The following CYP2J2 variants were observed in gnomAD, a reference collection of about 807,000 sequenced individuals.
CYP2J2 encodes cytochrome P450 2J2.
A neutral mutation model predicts 48.8 loss-of-function variants in CYP2J2; 41 were observed. The ratio of observed to expected loss-of-function variants is 0.84; its 90% CI spans 0.66 to 1.09. The LOEUF is 1.09. Ranked by LOEUF, CYP2J2 falls within the 50% of genes least tolerant of loss-of-function variation. The pLI, the probability that CYP2J2 is intolerant of heterozygous loss-of-function variation, is 0.00. For missense variants in CYP2J2, 644 were observed against 617.3 expected (o/e 1.04, Z -0.46); for synonymous variants, 221 against 227.1 (o/e 0.97, Z 0.24).
the CYP2J2 span, among the ~76,000 whole-genome samples, chr1:59,959,554 A>G: frequency 2.0e-5 from 3 of 152,016 alleles, no homozygotes; most frequent in East Asian, 3.9e-4. Context: ...TGTGAGAGAT[A>G]TATATATATG....
intron 7 of CYP2J2, chr1:59,904,405 ATGT>A (rs1459684158): frequency 6.5e-6 from 1 of 153,640 alleles, no homozygotes; most frequent in Non-Finnish European, 1.4e-5. Flanking sequence ...CATTAATATG[ATGT>A]TGTCCCAGGT....
rs184803223 is a variant in CYP2J2, at chr1:59,917,091, C to A, written c.211-991G>T. ...ATAGTTCAATCGTTTTCGGCTCTTG[C>A]GGAAGTTGCTTTATTTTTTGAGCCT... On this transcript the variant is annotated intron_variant, in intron 1 of 8. Coordinates refer to ENST00000371204, the MANE Select transcript of CYP2J2 (RefSeq NM_000775.4). Among the ~76,000 whole-genome samples, 280 of 152,176 alleles carry A rather than the reference C, an allele frequency of 1.8e-3. 1 individual carries two copies. The highest frequency in any genetic ancestry group is 3.1e-3 in the Non-Finnish European group (208 of 68,010).
chr1:59,942,113 A>G, the CYP2J2 span, among the ~76,000 whole-genome samples: 2 of 152,188 alleles, frequency 1.3e-5, no homozygotes, highest in African/African-American at 4.8e-5. Flanking sequence ...TGTGAAACTT[A>G]TGTTCTGGCT....
chr1:59,928,058 A>G (rs1413614222), upstream of CYP2J2, among the ~76,000 whole-genome samples: 1 of 152,172 alleles, frequency 6.6e-6, no homozygotes, highest in African/African-American at 2.4e-5. Context: ...TGTGTTTGAG[A>G]TTTATCCTGA....
the CYP2J2 span, among the ~76,000 whole-genome samples, chr1:59,948,590 C>T: frequency 6.6e-6 from 1 of 152,002 alleles, no homozygotes; most frequent in East Asian, 1.9e-4. Flanking sequence ...TGGCAAAAAC[C>T]ACAATTACTT....
At chr1:59,952,582 T>G in the CYP2J2 span, among the ~76,000 whole-genome samples, 5 of 152,168 alleles carry the variant, frequency 3.3e-5, no homozygotes, top group Non-Finnish European at 5.9e-5. Context: ...GGGAGACTGC[T>G]GCTCAGCAAG....
the CYP2J2 span, among the ~76,000 whole-genome samples, chr1:59,938,209 C>T: frequency 0.052 from 7,870 of 152,044 alleles, 494 homozygotes; most frequent in African/African-American, 0.15. Flanking sequence ...TCAGGTGGGA[C>T]GAGAGACTGA....
At chr1:59,943,592 C>T in the CYP2J2 span, among the ~76,000 whole-genome samples, 1 of 151,874 alleles carries the variant, frequency 6.6e-6, no homozygotes, top group East Asian at 1.9e-4. Context: ...TTAGCAAGTT[C>T]GATGAGTATA....
Position 59,893,449 on chromosome 1 carries a change from A to G in CYP2J2, c.*202T>C. On this transcript the variant is annotated 3_prime_UTR_variant, in exon 9 of 9. Coordinates refer to ENST00000371204, the MANE Select transcript of CYP2J2 (RefSeq NM_000775.4). ...TCCTAGATAAAAAGGTAAATTATTTAGCATATAAATGATTTTCCCAAGGCT... is the reference window on the plus strand; with the variant it reads ...TCCTAGATAAAAAGGTAAATTATTTGGCATATAAATGATTTTCCCAAGGCT... The G allele has an allele frequency of 2.1e-6, 1 of 474,110 alleles. No individual in the cohort carries two copies. The highest frequency in any genetic ancestry group is 3.7e-6 in the Non-Finnish European group (1 of 267,552). The allele number at this position is 474,110 out of a possible 1,614,324, so 29.4% of individuals were successfully genotyped here.
chr1:59,904,910 C>T lies in CYP2J2; in HGVS notation c.1152G>A (p.Val384=), dbSNP rs1478222348. 4 of 1,613,736 alleles carry T rather than the reference C, an allele frequency of 2.5e-6. No homozygotes were observed. The highest frequency in any genetic ancestry group is 1.7e-6 in the Non-Finnish European group (2 of 1,179,884). ...NIIPLNVPRE[V]TVDTTLAGYH... The stretch of plus-strand genomic sequence containing the variant: ...ACCCAGCCAAAGTGGTATCAACTGT[C>T]ACTTCCCTGGGAACGTTCAGGGGGA... Residue 384 remains valine (V), a synonymous_variant, in exon 7 of 9, where the codon GTG becomes GTA. Transcript: ENST00000371204.
the CYP2J2 span, among the ~76,000 whole-genome samples, chr1:59,958,887 C>T: frequency 6.6e-6 from 1 of 152,174 alleles, no homozygotes; most frequent in Non-Finnish European, 1.5e-5. Context: ...TTTCTAGTTT[C>T]TCTATTTTCT....
intron 1 of CYP2J2, 105 bp downstream of exon 1, chr1:59,926,432 C>T (rs972031544): frequency 7.2e-5 from 68 of 941,474 alleles, no homozygotes; most frequent in Non-Finnish European, 1.1e-4. Flanking sequence ...AGCCACACCT[C>T]TTCCTGCCCT....
At chr1:59,959,628 ATG>A in the CYP2J2 span, among the ~76,000 whole-genome samples, 9 of 150,758 alleles carry the variant, frequency 6.0e-5, no homozygotes, top group African/African-American at 1.2e-4. Context: ...TGTGATATAT[ATG>A]TGTGTGATAT....
Position 59,893,782 on chromosome 1 carries a change from T to G in CYP2J2, c.1378A>C (p.Ile460Leu), listed in dbSNP as rs1200057083. ...GEQLARTELF[I>L]FFTSLMQKFT... ...TTTTGCATAAGGGAAGTGAAGAAAA[T>G]AAACAGCTCAGTCCTGGCCAACTGT... The change falls in exon 9 of 9, where the codon ATT (isoleucine) becomes CTT (leucine). Residue 460 changes from isoleucine to leucine, a missense_variant. By Grantham distance (5) the Ile-to-Leu change is conservative. Coordinates refer to ENST00000371204, the MANE Select transcript of CYP2J2 (RefSeq NM_000775.4). The G allele has an allele frequency of 6.2e-7, 1 of 1,613,250 alleles. No homozygotes were observed. The highest frequency in any genetic ancestry group is 1.1e-5 in the South Asian group (1 of 90,738).
chr1:59,909,041 C>G (rs1644388355), intron 5 of CYP2J2, among the ~76,000 whole-genome samples: 1 of 152,156 alleles, frequency 6.6e-6, no homozygotes, highest in Non-Finnish European at 1.5e-5. Flanking sequence ...TATGTTCCCC[C>G]TTTGTGTATA....
the CYP2J2 span, among the ~76,000 whole-genome samples, chr1:59,954,702 G>A: frequency 2.0e-5 from 3 of 151,976 alleles, no homozygotes; most frequent in African/African-American, 7.3e-5. Context: ...AAACCCATGA[G>A]TAAATGTGTT....
At chr1:59,928,163 G>A (rs533536930), upstream of CYP2J2, among the ~76,000 whole-genome samples, 5 of 152,050 alleles carry the variant, frequency 3.3e-5, no homozygotes, top group East Asian at 1.9e-4. Context: ...ATCAGTGGAC[G>A]TCAGGTTTGT....
chr1:59,909,774 GT>G lies in CYP2J2; in HGVS notation c.861+9del. 1.3e-6 allele frequency: 2 copies of G among 1,564,388 alleles called. No homozygotes were observed. Among genetic ancestry groups the G allele is most frequent in the Non-Finnish European group, 1.7e-6 (2 of 1,161,510 alleles). On this transcript the variant is annotated intron_variant, in intron 5 of 8. Transcript: ENST00000371204. ...AAGAACAAAATACAAAATGACTTTG[GT>G]TTTCTCACCTTTGACATTTCTTTAA...
chr1:59,962,592 A>T, the CYP2J2 span, among the ~76,000 whole-genome samples: 2 of 152,250 alleles, frequency 1.3e-5, no homozygotes, highest in Non-Finnish European at 2.9e-5. Context: ...AAAAATCTGT[A>T]AAAATGGAAA....
Sources: allele counts gnomAD v4.1 joint callset (sites outside exome capture counted in the v4.1 genomes callset), GRCh38; gene constraint gnomAD v4.1.1; transcripts MANE v1.5; gene names NCBI Gene and HGNC (gene_info 2026-07-23, HGNC 2026-07-21).